The following SYTL5 variants were observed in gnomAD, a reference collection of about 807,000 sequenced individuals.
SYTL5 encodes synaptotagmin like 5.
Under a neutral mutation model 55.9 loss-of-function variants are expected in SYTL5, and 34 were observed. The ratio of observed to expected loss-of-function variants is 0.61; its 90% confidence interval spans 0.46 to 0.81. SYTL5 has a LOEUF of 0.81. SYTL5 is among the 30% of genes least tolerant of loss of function. SYTL5 has a pLI of 0.00. For synonymous variants in SYTL5, 221 were observed against 188.7 expected (o/e 1.17, Z -1.40); for missense variants, 637 against 546.7 (o/e 1.17, Z -1.65).
At chrX:37,972,162 G>T in the SYTL5 span, among the ~76,000 whole-genome samples, 3 of 110,877 alleles carry the variant, frequency 2.7e-5, no homozygotes, top group African/African-American at 6.6e-5. Context: ...CCTTTCAGCT[G>T]GGAGGAGCAA....
chrX:38,040,203 G>T (rs575338922), intron 2 of SYTL5, among the ~76,000 whole-genome samples: 17 of 110,519 alleles, frequency 1.5e-4, no homozygotes, highest in African/African-American at 5.3e-4. Flanking sequence ...AAATATTTGT[G>T]GGTACATAGT....
chrX:37,916,150 C>T, the SYTL5 span, among the ~76,000 whole-genome samples: 1 of 111,852 alleles, frequency 8.9e-6, no homozygotes, highest in Admixed American at 9.5e-5. Flanking sequence ...CTCTTGGATT[C>T]ATCAGTCTTC....
At position 38,095,986 on chromosome X, in the gene SYTL5, TACTG is replaced by T. The variant is rs1273389603; in HGVS notation, c.962-144_962-141del. 10 of 357,947 alleles carry T rather than the reference TACTG, an allele frequency of 2.8e-5. No individual in the cohort carries two copies. In the East Asian group the frequency reaches 3.8e-4, roughly 14 times the overall value. 29.5% of individuals were successfully genotyped at this position (357,947 alleles called of 1,213,427 possible). On this transcript the variant is annotated intron_variant, in intron 8 of 16. Coordinates refer to ENST00000297875, the MANE Select transcript of SYTL5 (RefSeq NM_138780.3). ...TATGTTATCATAAACAGCATGAAGT[TACTG>T]ACTCCGACTGTTGCTTTCATGGCAC...
At chrX:37,891,963 G>C in the SYTL5 span, among the ~76,000 whole-genome samples, 1 of 111,582 alleles carries the variant, frequency 9.0e-6, no homozygotes, top group East Asian at 2.8e-4. Flanking sequence ...AACTAGATGT[G>C]GATGAAATAT....
At chrX:37,984,728 A>C in the SYTL5 span, among the ~76,000 whole-genome samples, 1 of 111,239 alleles carries the variant, frequency 9.0e-6, no homozygotes, top group Middle Eastern at 4.6e-3. Context: ...TGGGTACAAA[A>C]ACCTTCAAGA....
chrX:37,975,669 C>CT, the SYTL5 span, among the ~76,000 whole-genome samples: 1 of 111,214 alleles, frequency 9.0e-6, no homozygotes, highest in Non-Finnish European at 1.9e-5. Flanking sequence ...AGGAATTTGA[C>CT]CTTTTGTGTT....
intron 13 of SYTL5, 89 bp from the exon 14 acceptor site, chrX:38,120,269 A>G: frequency 1.6e-6 from 1 of 625,087 alleles, no homozygotes. Context: ...CATTTATGCC[A>G]CTAAGTAAAT....
At chrX:37,914,783 C>T in the SYTL5 span, among the ~76,000 whole-genome samples, 1 of 111,967 alleles carries the variant, frequency 8.9e-6, no homozygotes, top group Non-Finnish European at 1.9e-5. Flanking sequence ...AACAAAGATG[C>T]TGTACTAACA....
upstream of SYTL5, among the ~76,000 whole-genome samples, chrX:38,001,688 A>G (rs374582359): frequency 5.0e-4 from 55 of 111,005 alleles, 1 homozygote; most frequent in South Asian, 0.012. Context: ...CATTTTCTCT[A>G]TCCATCTGTT....
In SYTL5 at chrX:38,118,775, G is replaced by C. The variant is rs939673017; in HGVS notation, c.1597-1583G>C. ...ACCAGGTTTTGCTTATTTTTTTAGAGGCAGGGCCTCACTCTGTCATCCAGG... is the reference window on the plus strand; with the variant it reads ...ACCAGGTTTTGCTTATTTTTTTAGACGCAGGGCCTCACTCTGTCATCCAGG... On this transcript the variant is annotated intron_variant, in intron 13 of 16. Transcript: ENST00000297875. Among the ~76,000 whole-genome samples, 3 of 109,212 alleles carry C rather than the reference G, an allele frequency of 2.7e-5. No individual in the cohort carries two copies. The Admixed American group carries it at 2.9e-4, about 11-fold the overall frequency. The allele number at this position is 109,212 out of a possible 115,157, so 94.8% of individuals were successfully genotyped here.
the SYTL5 span, among the ~76,000 whole-genome samples, chrX:37,929,697 G>A: frequency 4.5e-5 from 5 of 111,720 alleles, no homozygotes; most frequent in Non-Finnish European, 9.4e-5. Flanking sequence ...AACCTCAGAA[G>A]CATTTGAGGA....
At chrX:37,923,374 G>A in the SYTL5 span, among the ~76,000 whole-genome samples, 1 of 111,342 alleles carries the variant, frequency 9.0e-6, no homozygotes, top group Non-Finnish European at 1.9e-5. Context: ...ATGCCCTTAA[G>A]TAGTGTTTCC....
Position 38,089,548 on chromosome X carries a change from A to G in SYTL5, c.792A>G (p.Pro264=). 1.7e-6 allele frequency: 2 copies of G among 1,211,121 alleles called. No homozygotes were observed. Among genetic ancestry groups the G allele is most frequent in the Non-Finnish European group, 2.2e-6 (2 of 895,220 alleles). ...TGACCCCAGGCACTCAGAGTTCACC[A>G]GCCCCAAGCACACGAACTGTGACCT... The part of the protein sequence containing the change: ...NGVTPGTQSS[P]APSTRTVTSV... The change falls in exon 7 of 17, where the codon CCA becomes CCG. Residue 264 remains proline, a synonymous_variant. Coordinates refer to ENST00000297875, the MANE Select transcript of SYTL5 (RefSeq NM_138780.3).
At chrX:38,032,303 T>A (rs747372104) in intron 1 of SYTL5, among the ~76,000 whole-genome samples, 3 of 111,901 alleles carry the variant, frequency 2.7e-5, no homozygotes, top group Non-Finnish European at 3.8e-5. Flanking sequence ...CAAGAAGTCA[T>A]CATTCTTAAG....
At chrX:38,095,978 C>T (rs1234260915) in intron 8 of SYTL5, among the ~76,000 whole-genome samples, 156 bp from the exon 9 acceptor site, 1 of 111,536 alleles carries the variant, frequency 9.0e-6, no homozygotes, top group African/African-American at 3.2e-5. Context: ...TCATAAACAG[C>T]ATGAAGTTAC....
chrX:38,113,341 C>A (rs894436093), intron 13 of SYTL5, among the ~76,000 whole-genome samples: 9 of 112,089 alleles, frequency 8.0e-5, no homozygotes, highest in Non-Finnish European at 3.8e-5. Context: ...TCCAAGGAAA[C>A]GTTCTCTTAT....
intron 14 of SYTL5, 32 bp from the exon 15 acceptor site, chrX:38,122,048 C>A: frequency 1.8e-6 from 2 of 1,133,793 alleles, no homozygotes; most frequent in Non-Finnish European, 2.3e-6. Flanking sequence ...TTCTCTTTCT[C>A]CACCATTCCC....
intron 11 of SYTL5, among the ~76,000 whole-genome samples, chrX:38,107,449 G>A (rs1450155625): frequency 8.9e-6 from 1 of 111,800 alleles, no homozygotes. Flanking sequence ...AATGTTGTCT[G>A]CCAAGGAAGC....
rs192874508 is a variant in SYTL5, at chrX:38,040,460, C to A, written c.119+6452C>A. Reference sequence around the variant, plus strand: ...TTTTTTAACTCATTAACCATCCCCCCCCCGACCCGAGCCCCACACTACCCT... The same window carrying A: ...TTTTTTAACTCATTAACCATCCCCCACCCGACCCGAGCCCCACACTACCCT... On this transcript the variant is annotated intron_variant, in intron 2 of 16. Coordinates refer to ENST00000297875, the MANE Select transcript of SYTL5 (RefSeq NM_138780.3). Among the ~76,000 whole-genome samples the A allele has an allele frequency of 9.3e-5, 10 of 107,778 alleles. No individual in the cohort carries two copies. The East Asian group carries it at 2.6e-3, about 29-fold the overall frequency. 93.6% of individuals were successfully genotyped at this position (107,778 alleles called of 115,157 possible). A position where few individuals can be genotyped will look rare whatever the true frequency, so the allele number is the denominator to read the frequency against.
Sources: allele counts gnomAD v4.1 joint callset (sites outside exome capture counted in the v4.1 genomes callset), GRCh38; gene constraint gnomAD v4.1.1; transcripts MANE v1.5; gene names NCBI Gene and HGNC (gene_info 2026-07-23, HGNC 2026-07-21).